The following SLC23A2 variants were observed in gnomAD, a reference collection of about 807,000 sequenced individuals.
SLC23A2 encodes the protein Na(+)/L-ascorbic acid transporter 2.
A neutral mutation model predicts 73.3 loss-of-function variants in SLC23A2; 36 were observed. That is an observed-to-expected ratio of 0.49 (90% CI 0.38 to 0.65). The LOEUF (loss-of-function observed/expected upper bound fraction) is 0.65, where lower values mean the gene tolerates loss of function less well. Among genes scored for constraint, SLC23A2 ranks in the 30% least tolerant of loss-of-function variants. The pLI, the probability that SLC23A2 is intolerant of heterozygous loss-of-function variation, is 0.00. For missense variants in SLC23A2, 507 were observed against 841.6 expected, an observed-to-expected ratio of 0.60 and a Z score of 4.92; for synonymous variants, 343 against 327.3, an observed-to-expected ratio of 1.05 and a Z score of -0.52.
At chr20:4,881,514 C>T (rs756963024) in intron 9 of SLC23A2, among the ~76,000 whole-genome samples, 3 of 152,170 alleles carry the variant, frequency 2.0e-5, no homozygotes, top group Non-Finnish European at 4.4e-5. Flanking sequence ...CTCCCTCTGA[C>T]GGGATCTGTG....
intron 2 of SLC23A2, among the ~76,000 whole-genome samples, chr20:4,965,311 T>C (rs1399000026): frequency 6.6e-6 from 1 of 152,186 alleles, no homozygotes; most frequent in Non-Finnish European, 1.5e-5. Flanking sequence ...ACCTACTGTG[T>C]TCAGGGGTTC....
In SLC23A2 at chr20:4,942,426, A is replaced by G. The variant is rs2087057588; in HGVS notation, c.-154-9710T>C. ...CTGGAAATAAATGTAAACCTGACAG[A>G]TAAAAAAAATCAGCCATCTGGAAAA... On this transcript the variant is annotated intron_variant, in intron 2 of 16. Coordinates refer to ENST00000338244, the MANE Select transcript of SLC23A2 (RefSeq NM_005116.6). Among the ~76,000 whole-genome samples the G allele has an allele frequency of 2.0e-5, 3 of 151,904 alleles. 1 individual carries two copies. The South Asian group carries it at 6.2e-4, about 31-fold the overall frequency.
At chr20:4,937,565 T>C (rs1403736582) in intron 2 of SLC23A2, among the ~76,000 whole-genome samples, 2 of 152,154 alleles carry the variant, frequency 1.3e-5, no homozygotes, top group African/African-American at 4.8e-5. Flanking sequence ...GTAAGCATAA[T>C]ATTACTTGGT....
chr20:4,935,186 CAAA>C (rs34200051), intron 2 of SLC23A2, among the ~76,000 whole-genome samples: 13 of 68,116 alleles, frequency 1.9e-4, no homozygotes, highest in African/African-American at 7.3e-4. Flanking sequence ...GACTCCGTCT[CAAA>C]AAAAAAAAAA....
At position 4,857,113 on chromosome 20, in the gene SLC23A2, T is replaced by C. The variant is rs775271338; in HGVS notation, c.1812A>G (p.Pro604=). The C allele has an allele frequency of 4.3e-6, 7 of 1,613,988 alleles. No homozygotes were observed. Among genetic ancestry groups the C allele is most frequent in the South Asian group, 1.1e-5 (1 of 91,082 alleles). The change falls in exon 17 of 17, where the codon CCA becomes CCG. Residue 604 remains proline (P), a synonymous_variant. Coordinates refer to ENST00000338244, the MANE Select transcript of SLC23A2 (RefSeq NM_005116.6). The surrounding 1 kb of genome is among the most constrained non-coding windows in gnomAD (Gnocchi z 4.0). Reference sequence around the variant, plus strand: ...ATTTTTTTATAATGTTCATGCCAAATGGCAAATTGTACGACTCCATGCCGT... The same window carrying C: ...ATTTTTTTATAATGTTCATGCCAAACGGCAAATTGTACGACTCCATGCCGT... The part of the protein sequence containing the change: ...SLDGMESYNL[P]FGMNIIKKYR...
chr20:4,916,600 T>G (rs1932330312), intron 3 of SLC23A2, among the ~76,000 whole-genome samples: 1 of 152,160 alleles, frequency 6.6e-6, no homozygotes, highest in South Asian at 2.1e-4. Context: ...GATTTTGAAA[T>G]GAGTTAGCAA....
intron 2 of SLC23A2, among the ~76,000 whole-genome samples, chr20:4,967,753 A>G (rs1775592982): frequency 6.6e-6 from 1 of 152,224 alleles, no homozygotes; most frequent in South Asian, 2.1e-4. Context: ...TGTTTGATCC[A>G]GTTTATAACT....
chr20:4,909,110 ATC>A (rs1342805140), intron 4 of SLC23A2, among the ~76,000 whole-genome samples: 2 of 152,216 alleles, frequency 1.3e-5, no homozygotes, highest in Non-Finnish European at 2.9e-5. Flanking sequence ...CATCTGGGGC[ATC>A]TGTTTGTGTG....
At chr20:4,973,762 A>T (rs2087601556) in intron 1 of SLC23A2, among the ~76,000 whole-genome samples, 1 of 152,178 alleles carries the variant, frequency 6.6e-6, no homozygotes, top group Non-Finnish European at 1.5e-5. Flanking sequence ...GCGCTGCGGC[A>T]GGTCAGAGGA....
Position 4,902,632 on chromosome 20 carries a change from A to G in SLC23A2, c.208-74T>C, listed in dbSNP as rs1931791905. The G allele has an allele frequency of 1.4e-6, 1 of 709,910 alleles. No individual in the cohort carries two copies. The highest frequency in any genetic ancestry group is 1.8e-5 in the African/African-American group (1 of 54,284). The allele number at this position is 709,910 out of a possible 1,614,324, so 44.0% of individuals were successfully genotyped here. The stretch of plus-strand genomic sequence containing the variant: ...GTGTTAGCTCGGCCATGTACAGGCC[A>G]CTATTACAGAAAAACAACTTTATCA... On this transcript the variant is annotated intron_variant, in intron 4 of 16. Coordinates refer to ENST00000338244, the MANE Select transcript of SLC23A2 (RefSeq NM_005116.6). The surrounding 1 kb of genome is among the most constrained non-coding windows in gnomAD (Gnocchi z 4.0).
intron 1 of SLC23A2, among the ~76,000 whole-genome samples, chr20:5,008,346 C>T (rs770338526): frequency 4.6e-5 from 7 of 152,150 alleles, no homozygotes; most frequent in Non-Finnish European, 8.8e-5. Context: ...TAAATGCACA[C>T]ACCCTGAACT....
chr20:4,960,010 T>C (rs938660313), intron 2 of SLC23A2, among the ~76,000 whole-genome samples: 3 of 151,662 alleles, frequency 2.0e-5, no homozygotes, highest in African/African-American at 7.3e-5. Flanking sequence ...CCCAGGCTGG[T>C]CTCAAACTCC....
rs975664485 is a variant in SLC23A2 at position 4,902,831 on chromosome 20, C to T, written c.208-273G>A. On this transcript the variant is annotated intron_variant, in intron 4 of 16. Transcript: ENST00000338244. The surrounding 1 kb of genome is among the most constrained non-coding windows in gnomAD (Gnocchi z 4.0). ...ACCAAACTTGCTCAGAGCTTCTCCC[C>T]AGGCCTGGGGATCCTCCTGCATGGA... 1.3e-5 allele frequency among the ~76,000 whole-genome samples: 2 copies of T among 152,102 alleles called. No homozygotes were observed. The highest frequency in any genetic ancestry group is 2.9e-5 in the Non-Finnish European group (2 of 68,008).
intron 2 of SLC23A2, among the ~76,000 whole-genome samples, chr20:4,939,419 G>C (rs1010684016): frequency 1.3e-5 from 2 of 152,144 alleles, no homozygotes; most frequent in African/African-American, 4.8e-5. Context: ...AAAGATGAGG[G>C]AAGTATTAGA....
chr20:4,888,686 G>A (rs1023251307), intron 6 of SLC23A2, among the ~76,000 whole-genome samples: 3 of 152,110 alleles, frequency 2.0e-5, no homozygotes, highest in Admixed American at 6.5e-5. Flanking sequence ...TCCTTCATAC[G>A]AGTTCATCTT....
rs182924232 is a variant in SLC23A2 at position 4,983,881 on chromosome 20, G to A, written c.-281-12962C>T. The stretch of plus-strand genomic sequence containing the variant: ...TGAGGCAGGAGAATTGCTTGAACCC[G>A]GGAGGCGGAGGTTGCAGTGAGCCAA... On this transcript the variant is annotated intron_variant, in intron 1 of 16. Transcript: ENST00000338244. Among the ~76,000 whole-genome samples, 1,864 of 151,168 alleles carry A rather than the reference G, an allele frequency of 0.012. 56 individuals carry two copies. In the South Asian group the frequency reaches 0.14, roughly 11 times the overall value.
rs756731874 is a variant in SLC23A2 at position 4,870,021 on chromosome 20, C to T, written c.1135G>A (p.Gly379Ser). Residue 379 changes from glycine to serine, a missense_variant, in exon 12 of 17, where the codon GGT (glycine) becomes AGT (serine). This residue lies in a region of SLC23A2 where 217 missense variants were observed against 398.0 expected (regional missense o/e 0.55). Coordinates refer to ENST00000338244, the MANE Select transcript of SLC23A2 (RefSeq NM_005116.6). ...ACGGCACTGAGCATGCCGATGACAC[C>T]GGCCGCAGACACGGTGGGCAGTCCC... ...QWGLPTVSAA[G>S]VIGMLSAVVA... The T allele has an allele frequency of 1.9e-6, 3 of 1,612,038 alleles. No homozygotes were observed. The highest frequency in any genetic ancestry group is 1.7e-5 in the Admixed American group (1 of 59,770).
chr20:4,974,783 T>TC (rs2087617363), intron 1 of SLC23A2, among the ~76,000 whole-genome samples: 1 of 152,166 alleles, frequency 6.6e-6, no homozygotes, highest in African/African-American at 2.4e-5. Flanking sequence ...AGCTATTTTT[T>TC]CAGTGTTTTT....
rs80269172 is a variant in SLC23A2, at chr20:4,974,608, T to C, written c.-281-3689A>G. Among the ~76,000 whole-genome samples the C allele has an allele frequency of 3.9e-3, 600 of 152,338 alleles. 4 individuals are homozygous for C. The highest frequency in any genetic ancestry group is 6.5e-3 in the Non-Finnish European group (441 of 68,028). ...AAACTCAAACACTACATATTCTTCA[T>C]GCTTTGGCATTTTGTTTTTTAAGTT... On this transcript the variant is annotated intron_variant, in intron 1 of 16. Transcript: ENST00000338244.
Sources: gnomAD v4.1 joint callset for allele counts (sites outside exome capture counted in the v4.1 genomes callset) on GRCh38, gnomAD v4.1.1 for gene constraint, gnomAD v4.1.1 regional missense constraint, Gnocchi (gnomAD v3.1) non-coding constraint, MANE v1.5 for transcripts, NCBI Gene and HGNC (gene_info 2026-07-23, HGNC 2026-07-21) for gene names.